ANK3: variants seen among roughly 807,000 people sequenced by gnomAD.
ANK3 encodes ankyrin 3.
A neutral mutation model predicts 370.9 loss-of-function variants in ANK3; 57 were observed. The observed-to-expected ratio is 0.15, with a 90% CI of 0.12 to 0.19. ANK3 has a LOEUF of 0.19. Among genes scored for constraint, ANK3 ranks in the 10% least tolerant of loss-of-function variants. The probability of loss-of-function intolerance (pLI) is 1.00; values close to 1 mark genes in which losing one functional copy is unlikely to be tolerated. For synonymous variants in ANK3, 1,929 were observed against 1,946.3 expected, an observed-to-expected ratio of 0.99 and a Z score of 0.23; for missense variants, 4,439 against 5,302.1, an observed-to-expected ratio of 0.84 and a Z score of 5.06.
At chr10:60,601,388 T>C (rs1355819059) in intron 2 of ANK3, among the ~76,000 whole-genome samples, 2 of 151,900 alleles carry the variant, frequency 1.3e-5, no homozygotes, top group Non-Finnish European at 2.9e-5. Flanking sequence ...GCAACATCAA[T>C]GGTAAGTCAC....
chr10:60,672,004 T>G (rs969229768), intron 1 of ANK3, among the ~76,000 whole-genome samples: 1 of 152,244 alleles, frequency 6.6e-6, no homozygotes, highest in Non-Finnish European at 1.5e-5. Context: ...CTAACTGAGC[T>G]GCTCCTGGAT....
At chr10:60,296,583 C>T (rs1220500197) in intron 1 of ANK3, among the ~76,000 whole-genome samples, 1 of 152,152 alleles carries the variant, frequency 6.6e-6, no homozygotes, top group Non-Finnish European at 1.5e-5. Flanking sequence ...AGGCTGTACC[C>T]TTCAAAGATG....
intron 1 of ANK3, among the ~76,000 whole-genome samples, chr10:60,288,889 AACACACACACAC>A (rs35560146): frequency 1.1e-4 from 16 of 139,326 alleles, no homozygotes; most frequent in Non-Finnish European, 1.5e-4. Flanking sequence ...AGGTAGGAAT[AACACACACACAC>A]ACACACACAC....
chr10:60,118,948 T>G (rs2093295922), intron 25 of ANK3, among the ~76,000 whole-genome samples: 1 of 152,166 alleles, frequency 6.6e-6, no homozygotes, highest in South Asian at 2.1e-4. Context: ...TCCCTCTGAG[T>G]CCTTTCTTAA....
At chr10:60,466,820 TA>T (rs2065022010) in intron 2 of ANK3, among the ~76,000 whole-genome samples, 1 of 152,172 alleles carries the variant, frequency 6.6e-6, no homozygotes, top group Admixed American at 6.6e-5. Flanking sequence ...AAACACCACA[TA>T]ATGTATGATT....
chr10:60,173,246 C>A lies in ANK3; in HGVS notation c.2185-60G>T. ...TAATTACACTTTTACTAACAGCTAT[C>A]CTAAACAGAAGCAAAATCATTATTT... On this transcript the variant is annotated intron_variant, in intron 18 of 43. Transcript: ENST00000280772. The A allele has an allele frequency of 3.0e-6, 4 of 1,335,704 alleles. No individual in the cohort carries two copies. In the East Asian group the frequency reaches 9.9e-5, roughly 33 times the overall value. 82.7% of individuals were successfully genotyped at this position (1,335,704 alleles called of 1,614,324 possible). A position where few individuals can be genotyped will look rare whatever the true frequency, so the allele number is the denominator to read the frequency against.
chr10:60,423,072 G>A (rs146348204), intron 2 of ANK3, among the ~76,000 whole-genome samples: 9 of 152,098 alleles, frequency 5.9e-5, no homozygotes, highest in Admixed American at 5.9e-4. Flanking sequence ...TGTCCCTTCA[G>A]TCACCATGAC....
At chr10:60,581,603 T>A (rs1166923127) in intron 2 of ANK3, among the ~76,000 whole-genome samples, 2 of 151,780 alleles carry the variant, frequency 1.3e-5, no homozygotes, top group Non-Finnish European at 2.9e-5. Context: ...TATTATTTTT[T>A]TTTTTTTGTA....
At chr10:60,094,960 T>C (rs180804148) in intron 28 of ANK3, among the ~76,000 whole-genome samples, 84 of 152,338 alleles carry the variant, frequency 5.5e-4, no homozygotes, top group African/African-American at 1.9e-3. Flanking sequence ...AAAATATCCT[T>C]AGCTCAGTGC....
At chr10:60,408,556 C>T (rs1483658018) in intron 2 of ANK3, among the ~76,000 whole-genome samples, 1 of 152,154 alleles carries the variant, frequency 6.6e-6, no homozygotes, top group South Asian at 2.1e-4. Context: ...AATTAAACCT[C>T]TTTTCTTATA....
chr10:60,032,508 T>A (rs149112272), intron 43 of ANK3, among the ~76,000 whole-genome samples: 1 of 152,158 alleles, frequency 6.6e-6, no homozygotes, highest in African/African-American at 2.4e-5. Flanking sequence ...GCGCCTGGCC[T>A]GGCTTGATAA....
Position 60,036,422 on chromosome 10 carries a change from A to ATTTTTTTTTTTTTTTTTTTTTTTTTTTT in ANK3, c.*19+6222_*19+6249dup, listed in dbSNP as rs563946588. On this transcript the variant is annotated intron_variant, in intron 43 of 43. Coordinates refer to ENST00000280772, the MANE Select transcript of ANK3 (RefSeq NM_020987.5). ...CTGCGGAAGAGAGAGGTCAGAGGCAATTTTTTTTTTTTTTTTTTTTTTTTT... is the reference window on the plus strand; with the variant it reads ...CTGCGGAAGAGAGAGGTCAGAGGCAATTTTTTTTTTTTTTTTTTTTTTTTTTTTTTTTTTTTTTTTTTTTTTTTTTTTT... 2.8e-5 allele frequency among the ~76,000 whole-genome samples: 2 copies of ATTTTTTTTTTTTTTTTTTTTTTTTTTTT among 72,292 alleles called. 1 individual carries two copies. The highest frequency in any genetic ancestry group is 1.4e-4 in the African/African-American group (2 of 14,242). The allele number at this position is 72,292 out of a possible 152,430, so 47.4% of individuals were successfully genotyped here.
Position 60,267,934 on chromosome 10 carries a change from C to T in ANK3, c.513+2197G>A, listed in dbSNP as rs543767448. On this transcript the variant is annotated intron_variant, in intron 5 of 43. Coordinates refer to ENST00000280772, the MANE Select transcript of ANK3 (RefSeq NM_020987.5). ...GTCCGCTAGGACACAATGTGTGTAT[C>T]GTAGTGTGCTTAGAATAGCTACTCT... Among the ~76,000 whole-genome samples, 3 of 152,198 alleles carry T rather than the reference C, an allele frequency of 2.0e-5. No homozygotes were observed. The South Asian group carries it at 6.2e-4, about 32-fold the overall frequency.
intron 2 of ANK3, among the ~76,000 whole-genome samples, chr10:60,576,953 T>A (rs931454084): frequency 1.6e-4 from 25 of 152,198 alleles, no homozygotes; most frequent in Non-Finnish European, 3.5e-4. Flanking sequence ...AATGTCAAGT[T>A]AGCAGTGAAA....
At chr10:60,614,070 T>A (rs2133321184) in intron 2 of ANK3, among the ~76,000 whole-genome samples, 1 of 151,286 alleles carries the variant, frequency 6.6e-6, no homozygotes, top group South Asian at 2.1e-4. Context: ...CAAGACTCTG[T>A]CAAAAAAAAA....
intron 2 of ANK3, among the ~76,000 whole-genome samples, chr10:60,609,424 T>C (rs1021770271): frequency 6.6e-6 from 1 of 152,110 alleles, no homozygotes; most frequent in Non-Finnish European, 1.5e-5. Context: ...ATGAATATTG[T>C]AGAGTAAGAA....
chr10:60,598,801 ATAT>A (rs2078022752), intron 2 of ANK3, among the ~76,000 whole-genome samples: 1 of 152,208 alleles, frequency 6.6e-6, no homozygotes, highest in East Asian at 1.9e-4. Flanking sequence ...TACATCAGAA[ATAT>A]TATTACTAAA....
intron 1 of ANK3, chr10:60,684,629 T>C: frequency 6.3e-7 from 1 of 1,590,046 alleles, no homozygotes; most frequent in African/African-American, 1.3e-5. Context: ...AGGCTGCAGT[T>C]CAATGAATTT....
intron 17 of ANK3, among the ~76,000 whole-genome samples, chr10:60,185,229 G>A (rs3793860): frequency 0.054 from 8,252 of 152,124 alleles, 429 homozygotes; most frequent in East Asian, 0.23. Context: ...GATATCCCTG[G>A]TCTCCTGTAT....
Sources: allele counts gnomAD v4.1 joint callset (sites outside exome capture counted in the v4.1 genomes callset), GRCh38; gene constraint gnomAD v4.1.1; transcripts MANE v1.5; gene names NCBI Gene and HGNC (gene_info 2026-07-23, HGNC 2026-07-21).